C1QTNF7: variants seen among roughly 807,000 people sequenced by gnomAD.
C1QTNF7 encodes C1q and TNF related 7.
In C1QTNF7, 15 loss-of-function variants were observed where a neutral mutation model predicts 19.6. The observed-to-expected ratio is 0.76, with a 90% CI of 0.51 to 1.18. The LOEUF is 1.18. Among genes scored for constraint, C1QTNF7 ranks in the 50% most tolerant of loss-of-function variants. The probability of loss-of-function intolerance (pLI) is 0.00; values close to 1 mark genes in which losing one functional copy is unlikely to be tolerated. For missense variants in C1QTNF7, 324 were observed against 359.7 expected, an observed-to-expected ratio of 0.90 and a Z score of 0.80; for synonymous variants, 142 against 137.5, an observed-to-expected ratio of 1.03 and a Z score of -0.23.
chr4:15,421,779 A>G (rs1711773541), intron 1 of C1QTNF7, among the ~76,000 whole-genome samples: 1 of 152,226 alleles, frequency 6.6e-6, no homozygotes, highest in Admixed American at 6.5e-5. Context: ...GACTCACTGT[A>G]GGTAGCACAT....
intron 2 of C1QTNF7, among the ~76,000 whole-genome samples, chr4:15,436,227 AGCCACAGTGT>A (rs1265228515): frequency 6.6e-6 from 1 of 152,222 alleles, no homozygotes; most frequent in Non-Finnish European, 1.5e-5. Flanking sequence ...GAGAAAATTG[AGCCACAGTGT>A]GATTAAATGA....
intron 1 of C1QTNF7, among the ~76,000 whole-genome samples, chr4:15,355,574 CT>C (rs1717114449): frequency 6.6e-6 from 1 of 151,594 alleles, no homozygotes; most frequent in Non-Finnish European, 1.5e-5. Context: ...TTCTCCAAAG[CT>C]TACTTTTCTC....
chr4:15,427,086 T>C (rs1712084637), upstream of C1QTNF7, among the ~76,000 whole-genome samples: 1 of 152,166 alleles, frequency 6.6e-6, no homozygotes, highest in African/African-American at 2.4e-5. Flanking sequence ...TCCTCCAGTG[T>C]GGAGAGTGGA....
intron 1 of C1QTNF7, among the ~76,000 whole-genome samples, chr4:15,369,167 G>A (rs1560344740): frequency 6.6e-6 from 1 of 152,204 alleles, no homozygotes; most frequent in Non-Finnish European, 1.5e-5. Context: ...AGGTAAGGAT[G>A]AGAAGGGAAA....
intron 1 of C1QTNF7, among the ~76,000 whole-genome samples, chr4:15,415,003 G>T (rs547769808): frequency 2.0e-5 from 3 of 152,306 alleles, no homozygotes; most frequent in African/African-American, 7.2e-5. Context: ...TAAAACATGA[G>T]TGCGCATACC....
At chr4:15,341,567 G>A (rs760578914) in intron 1 of C1QTNF7, among the ~76,000 whole-genome samples, 1 of 152,112 alleles carries the variant, frequency 6.6e-6, no homozygotes, top group Admixed American at 6.5e-5. Context: ...CGAGTGACCC[G>A]CGACTGCCAA....
intron 2 of C1QTNF7, among the ~76,000 whole-genome samples, chr4:15,438,381 C>T (rs1046990737): frequency 6.6e-6 from 1 of 152,116 alleles, no homozygotes; most frequent in Non-Finnish European, 1.5e-5. Flanking sequence ...TGTAACTGGG[C>T]ACAACCTGGC....
chr4:15,361,303 G>A (rs1186252760), intron 1 of C1QTNF7: 1 of 151,704 alleles, frequency 6.6e-6, no homozygotes, highest in Non-Finnish European at 1.5e-5. Flanking sequence ...CTGGCTTGGG[G>A]AGATTATTCA....
At chr4:15,380,585 A>G (rs1387834844) in intron 1 of C1QTNF7, among the ~76,000 whole-genome samples, 1 of 152,250 alleles carries the variant, frequency 6.6e-6, no homozygotes, top group African/African-American at 2.4e-5. Flanking sequence ...GGTTACCCCT[A>G]GCTGCAAGGG....
chr4:15,373,739 G>A (rs1210221416), intron 1 of C1QTNF7: 2 of 152,118 alleles, frequency 1.3e-5, no homozygotes, highest in Non-Finnish European at 2.9e-5. Context: ...ATCTTGACCT[G>A]GATTTCCAAG....
intron 1 of C1QTNF7, among the ~76,000 whole-genome samples, chr4:15,430,332 C>A (rs1041353502): frequency 6.6e-6 from 1 of 152,052 alleles, no homozygotes; most frequent in African/African-American, 2.4e-5. Flanking sequence ...CTCTTGAAAC[C>A]CCAGCACTTT....
At chr4:15,377,594 T>C (rs1717986405) in intron 1 of C1QTNF7, among the ~76,000 whole-genome samples, 1 of 152,172 alleles carries the variant, frequency 6.6e-6, no homozygotes, top group Non-Finnish European at 1.5e-5. Context: ...CTGAAAACTA[T>C]AGTGCCCAGA....
At chr4:15,392,229 C>A (rs1718585335) in intron 1 of C1QTNF7, among the ~76,000 whole-genome samples, 1 of 152,156 alleles carries the variant, frequency 6.6e-6, no homozygotes, top group Non-Finnish European at 1.5e-5. Context: ...AAAAGAGACT[C>A]CATTTCTTGC....
chr4:15,412,033 G>T (rs1374964297), intron 1 of C1QTNF7, among the ~76,000 whole-genome samples: 1 of 152,094 alleles, frequency 6.6e-6, no homozygotes, highest in Non-Finnish European at 1.5e-5. Flanking sequence ...TGTCAGATCA[G>T]CAACAACATT....
chr4:15,381,091 A>G (rs1469832464), intron 1 of C1QTNF7, among the ~76,000 whole-genome samples: 2 of 152,078 alleles, frequency 1.3e-5, no homozygotes, highest in Non-Finnish European at 2.9e-5. Context: ...ACTATATTAC[A>G]TAAACATTTA....
chr4:15,345,120 A>G (rs1176314106), intron 1 of C1QTNF7, among the ~76,000 whole-genome samples: 1 of 152,258 alleles, frequency 6.6e-6, no homozygotes, highest in Non-Finnish European at 1.5e-5. Flanking sequence ...TCTTGAAATC[A>G]ACATAAATCT....
intron 1 of C1QTNF7, among the ~76,000 whole-genome samples, chr4:15,381,549 C>T (rs1718143350): frequency 1.3e-5 from 2 of 152,088 alleles, no homozygotes; most frequent in Non-Finnish European, 2.9e-5. Flanking sequence ...ATATCAAAGT[C>T]TGAATTCCAG....
At chr4:15,414,368 A>T (rs1193765062) in intron 1 of C1QTNF7, among the ~76,000 whole-genome samples, 2 of 152,164 alleles carry the variant, frequency 1.3e-5, no homozygotes, top group African/African-American at 4.8e-5. Flanking sequence ...TTTTCTCCTT[A>T]CAAAATCATA....
At chr4:15,430,136 C>A (rs953460105) in intron 1 of C1QTNF7, among the ~76,000 whole-genome samples, 1 of 152,146 alleles carries the variant, frequency 6.6e-6, no homozygotes, top group Non-Finnish European at 1.5e-5. Context: ...CAAATATAAG[C>A]ACATGAACAT....
Sources: gnomAD v4.1 joint callset for allele counts (sites outside exome capture counted in the v4.1 genomes callset) on GRCh38, gnomAD v4.1.1 for gene constraint, MANE v1.5 for transcripts, NCBI Gene and HGNC (gene_info 2026-07-23, HGNC 2026-07-21) for gene names.